Variants in SERHL2 observed in about 807,000 individuals in gnomAD.
SERHL2 encodes the protein serine hydrolase-like protein 2.
In SERHL2, 29 loss-of-function variants were observed where a neutral mutation model predicts 25.5. The observed-to-expected ratio is 1.14, with a 90% CI of 0.85 to 1.55. SERHL2 has a LOEUF of 1.55. SERHL2 is among the 40% of genes most tolerant of loss of function. SERHL2 has a pLI of 0.00. For missense variants in SERHL2, 240 were observed against 252.3 expected, an observed-to-expected ratio of 0.95 and a Z score of 0.33; for synonymous variants, 95 against 103.5, an observed-to-expected ratio of 0.92 and a Z score of 0.50.
chr22:42,566,574 G>A (rs904234298), intron 9 of SERHL2, among the ~76,000 whole-genome samples: 5 of 144,510 alleles, frequency 3.5e-5, no homozygotes, highest in East Asian at 4.0e-4. Context: ...AAAAACAAAA[G>A]AAATTATATA....
At chr22:42,572,333 C>T (rs1370597180) in intron 10 of SERHL2, 103 bp from the exon 11 acceptor site, 1 of 784,292 alleles carries the variant, frequency 1.3e-6, no homozygotes, top group Non-Finnish European at 2.1e-6. Flanking sequence ...GTAGCCCAGG[C>T]TTTGGTTTCT....
chr22:42,566,290 G>C lies in SERHL2; in HGVS notation c.614-14G>C. 6.2e-7 allele frequency: 1 copy of C among 1,611,106 alleles called. No individual in the cohort carries two copies. Among genetic ancestry groups the C allele is most frequent in the Non-Finnish European group, 8.5e-7 (1 of 1,178,672 alleles). On this transcript the variant is annotated splice_polypyrimidine_tract_variant and intron_variant, in intron 8 of 11. Coordinates refer to ENST00000327678, the MANE Select transcript of SERHL2 (RefSeq NM_014509.5). ...ACAGCATTGACGCTGCTGTCTTTGT[G>C]CTTCCGCCTCCAGGTCTGGTTCTGA...
chr22:42,563,303 A>T (rs769225376), intron 8 of SERHL2: 51 of 246,966 alleles, frequency 2.1e-4, no homozygotes, highest in Non-Finnish European at 5.1e-5. Context: ...TCATGGGCTC[A>T]GGCGATCCTC....
In SERHL2 at chr22:42,560,167, T is replaced by TC; in HGVS notation, c.534-17dup. On this transcript the variant is annotated intron_variant, in intron 7 of 11. Transcript: ENST00000327678. ...TTTATTGGCCTCCAGGCACCCAGCA[T>TC]CCTTCTGTCTCCCCCCAGGTTACTG... is the stretch of plus-strand genomic sequence containing the variant. 1 of 1,598,218 alleles carries TC rather than the reference T, an allele frequency of 6.3e-7. No individual in the cohort carries two copies. Among genetic ancestry groups the TC allele is most frequent in the East Asian group, 2.2e-5 (1 of 44,800 alleles).
rs145060540 is a variant in SERHL2 at position 42,554,049 on chromosome 22, C to T, written c.22+7C>T. On this transcript the variant is annotated splice_region_variant and intron_variant, in intron 1 of 11. Coordinates refer to ENST00000327678, the MANE Select transcript of SERHL2 (RefSeq NM_014509.5). ...AGTGAGAACGCCGCACCAGGTCTGA[C>T]GGGGAGGCCTTGTGCGAGCGTCCCA... The T allele has an allele frequency of 9.4e-4, 1,509 of 1,613,350 alleles. 21 individuals are homozygous for T. The East Asian group carries it at 0.021, about 23-fold the overall frequency.
chr22:42,554,138 C>G, intron 1 of SERHL2, 96 bp downstream of exon 1: 2 of 1,433,488 alleles, frequency 1.4e-6, no homozygotes, highest in East Asian at 2.5e-5. Context: ...TCGCCGACCG[C>G]GTCGCCCTCC....
chr22:42,563,190 C>CTTTT (rs754138896), intron 8 of SERHL2, among the ~76,000 whole-genome samples: 1 of 97,984 alleles, frequency 1.0e-5, no homozygotes, highest in African/African-American at 5.8e-5. Flanking sequence ...TTCTTTTTTT[C>CTTTT]TTTTTTTTTT....
intron 8 of SERHL2, among the ~76,000 whole-genome samples, chr22:42,562,609 A>G (rs1004700822): frequency 6.6e-6 from 1 of 151,758 alleles, no homozygotes; most frequent in Admixed American, 6.6e-5. Context: ...TCTTTTGAAT[A>G]GGAAGGTCTG....
chr22:42,557,518 G>GCACT (rs1178824213), intron 6 of SERHL2, among the ~76,000 whole-genome samples: 2 of 84,394 alleles, frequency 2.4e-5, no homozygotes, highest in East Asian at 4.1e-4. Flanking sequence ...TTGCGCCATT[G>GCACT]CACTCCAGCC....
At chr22:42,564,266 C>T (rs1211060942) in intron 8 of SERHL2, among the ~76,000 whole-genome samples, 2 of 151,468 alleles carry the variant, frequency 1.3e-5, no homozygotes, top group African/African-American at 2.4e-5. Flanking sequence ...GATGGCTCCT[C>T]AGGTGCCTAA....
intron 9 of SERHL2, among the ~76,000 whole-genome samples, chr22:42,568,420 G>C (rs1467886490): frequency 1.3e-5 from 2 of 151,584 alleles, no homozygotes; most frequent in Non-Finnish European, 2.9e-5. Flanking sequence ...TGTGTGTGCT[G>C]ACCTTCGTGG....
intron 6 of SERHL2, among the ~76,000 whole-genome samples, chr22:42,557,581 AAAG>A (rs1341938296): frequency 0.27 from 10,706 of 39,132 alleles, 432 homozygotes; most frequent in Non-Finnish European, 0.36. Context: ...AAAAAAAAAA[AAAG>A]AATGACGGCA....
rs1455666525 is a variant in SERHL2, at chr22:42,572,433, C to T, written c.732-3C>T. 1.9e-6 allele frequency: 3 copies of T among 1,606,536 alleles called. No homozygotes were observed. The highest frequency in any genetic ancestry group is 1.7e-5 in the Admixed American group (1 of 59,872). On this transcript the variant is annotated splice_polypyrimidine_tract_variant and splice_region_variant and intron_variant, in intron 10 of 11. Coordinates refer to ENST00000327678, the MANE Select transcript of SERHL2 (RefSeq NM_014509.5). ...CAACAACCCCCAACTCCTCACTTTC[C>T]AGAGCAGTCCACGGATATTTTGATT... is the stretch of plus-strand genomic sequence containing the variant.
At chr22:42,568,501 T>C (rs553830050) in intron 9 of SERHL2, among the ~76,000 whole-genome samples, 3 of 152,088 alleles carry the variant, frequency 2.0e-5, no homozygotes, top group African/African-American at 7.2e-5. Context: ...TTAGGGACCA[T>C]GTCTTATGTG....
rs113195712 is a variant in SERHL2 at position 42,572,791 on chromosome 22, A to T, written c.825+262A>T. 104 of 876,768 alleles carry T rather than the reference A, an allele frequency of 1.2e-4. No homozygotes were observed. The African/African-American group carries it at 1.2e-3, about 10-fold the overall frequency. The allele number at this position is 876,768 out of a possible 1,614,324, so 54.3% of individuals were successfully genotyped here. A position where few individuals can be genotyped will look rare whatever the true frequency, so the allele number is the denominator to read the frequency against. On this transcript the variant is annotated intron_variant, in intron 11 of 11. Transcript: ENST00000327678. ...GCTACTCTCGTGCCTCAGCCTCCTG[A>T]GTAGCTGGGATTACAGGCACCTGCC...
At chr22:42,571,407 G>A (rs1304143428) in intron 10 of SERHL2, 2 of 1,401,568 alleles carry the variant, frequency 1.4e-6, no homozygotes, top group Admixed American at 2.7e-5. Flanking sequence ...GGGCAGCAGG[G>A]GATGGGCCGG....
chr22:42,563,187 TTTC>T (rs1302872570), intron 8 of SERHL2, among the ~76,000 whole-genome samples: 1 of 142,616 alleles, frequency 7.0e-6, no homozygotes, highest in Non-Finnish European at 1.5e-5. Flanking sequence ...TTTTTCTTTT[TTTC>T]TTTTTTTTTT....
At chr22:42,568,517 T>A (rs1309787541) in intron 9 of SERHL2, among the ~76,000 whole-genome samples, 15 of 151,948 alleles carry the variant, frequency 9.9e-5, no homozygotes, top group Admixed American at 5.9e-4. Flanking sequence ...ATGTGACCTG[T>A]TCTGTAGTGG....
chr22:42,554,866 T>TA (rs1361786567), intron 1 of SERHL2, 72 bp from the exon 2 acceptor site: 8 of 1,551,876 alleles, frequency 5.2e-6, no homozygotes, highest in Admixed American at 1.7e-5. Flanking sequence ...CAGGCAGAGA[T>TA]AAGGGGCTCA....
Sources: allele counts gnomAD v4.1 joint callset (sites outside exome capture counted in the v4.1 genomes callset), GRCh38; gene constraint gnomAD v4.1.1; transcripts MANE v1.5; gene names NCBI Gene and HGNC (gene_info 2026-07-23, HGNC 2026-07-21).